The following PEBP4 variants were observed in gnomAD, a reference collection of about 807,000 sequenced individuals.
PEBP4 encodes phosphatidylethanolamine-binding protein 4.
PEBP4 carries 22 observed loss-of-function variants against 23.9 expected under a neutral mutation model. The ratio of observed to expected loss-of-function variants is 0.92; its 90% CI spans 0.66 to 1.31. The LOEUF is 1.31. Ranked by LOEUF, PEBP4 falls within the 40% of genes most tolerant of loss-of-function variation. The pLI is 0.00. For missense variants in PEBP4, 324 were observed against 281.7 expected, an observed-to-expected ratio of 1.15 and a Z score of -1.07; for synonymous variants, 112 against 99.3, an observed-to-expected ratio of 1.13 and a Z score of -0.76.
chr8:22,729,847 G>A (rs1365950346), intron 4 of PEBP4, among the ~76,000 whole-genome samples: 1 of 152,214 alleles, frequency 6.6e-6, no homozygotes, highest in East Asian at 1.9e-4. Context: ...GGATTGTCTT[G>A]AGAATTGCCT....
chr8:22,748,314 T>C (rs886612339), intron 4 of PEBP4, among the ~76,000 whole-genome samples: 1 of 151,954 alleles, frequency 6.6e-6, no homozygotes, highest in African/African-American at 2.4e-5. Flanking sequence ...CAGAAGCCCA[T>C]CAGTCCGTAT....
intron 3 of PEBP4, among the ~76,000 whole-genome samples, chr8:22,866,867 G>A (rs952142886): frequency 6.6e-6 from 1 of 152,100 alleles, no homozygotes; most frequent in Non-Finnish European, 1.5e-5. Context: ...CTTCCAAAAG[G>A]TGGTGATGTG....
At chr8:22,811,991 A>C (rs766542537) in intron 4 of PEBP4, among the ~76,000 whole-genome samples, 24 of 152,254 alleles carry the variant, frequency 1.6e-4, no homozygotes, top group Non-Finnish European at 3.2e-4. Context: ...TCTGTGTCAG[A>C]AGACTTAATC....
intron 3 of PEBP4, among the ~76,000 whole-genome samples, chr8:22,900,342 G>A (rs1250325664): frequency 6.6e-6 from 1 of 152,116 alleles, no homozygotes; most frequent in African/African-American, 2.4e-5. Context: ...TGCCCTTGGT[G>A]CCCATTACAA....
At chr8:22,935,559 AT>A (rs1809525979) in intron 1 of PEBP4, among the ~76,000 whole-genome samples, 1 of 152,142 alleles carries the variant, frequency 6.6e-6, no homozygotes, top group Non-Finnish European at 1.5e-5. Flanking sequence ...TAAGCCAAAA[AT>A]TGGAATTCTG....
At chr8:22,739,943 C>A (rs570698599) in intron 4 of PEBP4, among the ~76,000 whole-genome samples, 1 of 152,206 alleles carries the variant, frequency 6.6e-6, no homozygotes, top group African/African-American at 2.4e-5. Flanking sequence ...AGAGCCTCGA[C>A]TGTGGCTCTT....
At chr8:22,817,519 G>T in intron 4 of PEBP4, 118 bp downstream of exon 4, 1 of 915,642 alleles carries the variant, frequency 1.1e-6, no homozygotes, top group Non-Finnish European at 1.7e-6. Context: ...CACTGGGGGA[G>T]ATGGGACACA....
intron 3 of PEBP4, among the ~76,000 whole-genome samples, chr8:22,913,082 C>A (rs1268099993): frequency 4.6e-5 from 7 of 152,224 alleles, no homozygotes; most frequent in Admixed American, 4.6e-4. Context: ...AAATCCATCT[C>A]TTTCTATTGT....
chr8:22,918,618 C>A (rs1385950166), intron 3 of PEBP4, among the ~76,000 whole-genome samples: 1 of 152,204 alleles, frequency 6.6e-6, no homozygotes, highest in Non-Finnish European at 1.5e-5. Context: ...GAAGGGAGCC[C>A]TTTGGGGAGA....
chr8:22,901,054 G>A (rs909951178), intron 3 of PEBP4, among the ~76,000 whole-genome samples: 1 of 152,208 alleles, frequency 6.6e-6, no homozygotes, highest in African/African-American at 2.4e-5. Context: ...GTTTTGTGTA[G>A]AAGCAATAGC....
Position 22,879,183 on chromosome 8 carries a change from G to A in PEBP4, c.258+41001C>T, listed in dbSNP as rs565356596. 3.9e-5 allele frequency: 6 copies of A among 152,366 alleles called. No individual in the cohort carries two copies. In the East Asian group the frequency reaches 9.6e-4, roughly 24 times the overall value. 9.4% of individuals were successfully genotyped at this position (152,366 alleles called of 1,614,324 possible). On this transcript the variant is annotated intron_variant, in intron 3 of 6. Coordinates refer to ENST00000256404, the MANE Select transcript of PEBP4 (RefSeq NM_144962.3). ...AGACATGGAGGTTTAACTGATCTGT[G>A]TGAGGCCACAGAACGAGAGTGTGGC... is the stretch of plus-strand genomic sequence containing the variant.
upstream of PEBP4, among the ~76,000 whole-genome samples, chr8:22,930,816 G>A (rs568481665): frequency 8.5e-5 from 13 of 152,152 alleles, no homozygotes; most frequent in South Asian, 2.1e-4. Context: ...TCAAGCTTGC[G>A]GAGTGACAAT....
At chr8:22,928,927 G>A (rs904491788), upstream of PEBP4, among the ~76,000 whole-genome samples, 3 of 152,196 alleles carry the variant, frequency 2.0e-5, no homozygotes, top group Non-Finnish European at 4.4e-5. Flanking sequence ...CCTGCCTCCA[G>A]GATCCCAACC....
intron 4 of PEBP4, 22 bp from the exon 5 acceptor site, chr8:22,727,242 G>C: frequency 6.2e-7 from 1 of 1,612,352 alleles, no homozygotes; most frequent in South Asian, 1.1e-5. Flanking sequence ...GACAAGCAGG[G>C]CTGTAGGTTA....
At chr8:22,842,135 T>C (rs1807341385) in intron 3 of PEBP4, among the ~76,000 whole-genome samples, 1 of 152,200 alleles carries the variant, frequency 6.6e-6, no homozygotes, top group Non-Finnish European at 1.5e-5. Flanking sequence ...TTAGTACAGA[T>C]AAAAGGAACT....
At chr8:22,778,669 G>C (rs1805861882) in intron 4 of PEBP4, among the ~76,000 whole-genome samples, 1 of 152,174 alleles carries the variant, frequency 6.6e-6, no homozygotes, top group Non-Finnish European at 1.5e-5. Flanking sequence ...CTGTGGACTG[G>C]GATGCAGAGG....
At chr8:22,739,743 T>C (rs1223589059) in intron 4 of PEBP4, among the ~76,000 whole-genome samples, 1 of 152,068 alleles carries the variant, frequency 6.6e-6, no homozygotes, top group Non-Finnish European at 1.5e-5. Flanking sequence ...CTCCCCTCTG[T>C]CTGGGTAAGA....
At chr8:22,925,962 T>G (rs1200640571) in intron 2 of PEBP4, among the ~76,000 whole-genome samples, 2 of 152,144 alleles carry the variant, frequency 1.3e-5, no homozygotes, top group African/African-American at 4.8e-5. Flanking sequence ...CAGAACTGTT[T>G]TCTTGCTTGT....
At chr8:22,886,086 C>A (rs1308907776) in intron 3 of PEBP4, 2 of 152,170 alleles carry the variant, frequency 1.3e-5, no homozygotes, top group Non-Finnish European at 2.9e-5. Context: ...ACAATGAAAC[C>A]CTTACTAGAC....
Sources: allele counts gnomAD v4.1 joint callset (sites outside exome capture counted in the v4.1 genomes callset), GRCh38; gene constraint gnomAD v4.1.1; transcripts MANE v1.5; gene names NCBI Gene and HGNC (gene_info 2026-07-23, HGNC 2026-07-21).